Variants in UMAD1 observed in about 807,000 individuals in gnomAD.
The protein encoded by UMAD1 is UBAP1-MVB12-associated (UMA) domain containing 1.
UMAD1 carries 8 observed loss-of-function variants against 6.1 expected under a neutral mutation model. The observed-to-expected ratio is 1.30, with a 90% CI of 0.76 to 2.35. The LOEUF (loss-of-function observed/expected upper bound fraction) is 2.35. Among genes scored for constraint, UMAD1 ranks in the 30% most tolerant of loss-of-function variants. UMAD1 has a pLI of 0.00. For synonymous variants in UMAD1, 56 were observed against 31.4 expected, an observed-to-expected ratio of 1.78 and a Z score of -2.61; for missense variants, 130 against 78.4, an observed-to-expected ratio of 1.66 and a Z score of -2.49.
intron 2 of UMAD1, among the ~76,000 whole-genome samples, chr7:7,675,123 C>T (rs2115111313): frequency 6.6e-6 from 1 of 152,248 alleles, no homozygotes; most frequent in East Asian, 1.9e-4. Context: ...CCTCGGCCCC[C>T]CAAAGTGTTG....
intron 3 of UMAD1, among the ~76,000 whole-genome samples, chr7:7,857,104 A>C (rs1452389457): frequency 1.6e-4 from 24 of 152,220 alleles, no homozygotes; most frequent in Admixed American, 1.6e-3. Flanking sequence ...CAATTAAATA[A>C]ATAGGAAGTA....
intron 2 of UMAD1, among the ~76,000 whole-genome samples, chr7:7,784,338 T>G (rs1201738275): frequency 1.9e-4 from 1 of 5,334 alleles, no homozygotes; most frequent in Non-Finnish European, 2.8e-4. Context: ...AAAATCTCTG[T>G]TTTTTTTTTT....
chr7:7,718,100 T>C (rs1563151745), intron 2 of UMAD1, among the ~76,000 whole-genome samples: 1 of 152,208 alleles, frequency 6.6e-6, no homozygotes. Flanking sequence ...CACATTGTTG[T>C]ATAATAAGTT....
At position 7,706,846 on chromosome 7, in the gene UMAD1, G is replaced by A. The variant is rs139710726; in HGVS notation, c.82+33393G>A. On this transcript the variant is annotated intron_variant, in intron 2 of 3. Transcript: ENST00000682710. ...TTGGTTTTGTTATTTTTTGGATAGAGCATCTTGACTTACTTAGATTTAAAA... is the reference window on the plus strand; with the variant it reads ...TTGGTTTTGTTATTTTTTGGATAGAACATCTTGACTTACTTAGATTTAAAA... Among the ~76,000 whole-genome samples the A allele has an allele frequency of 1.7e-4, 26 of 152,202 alleles. No individual in the cohort carries two copies. In the East Asian group the frequency reaches 4.8e-3, roughly 28 times the overall value.
rs34880729 is a variant in UMAD1 at position 7,695,981 on chromosome 7, G to GTT, written c.82+22543_82+22544dup. ...TTTAAACCCTACTGTGTATATCTCC[G>GTT]TTTTTTTTTTTTTTTTCTGATAAAC... On this transcript the variant is annotated intron_variant, in intron 2 of 3. Coordinates refer to ENST00000682710, the MANE Select transcript of UMAD1 (RefSeq NM_001302348.2). Among the ~76,000 whole-genome samples, 1,296 of 130,694 alleles carry GTT rather than the reference G, an allele frequency of 9.9e-3. 20 individuals carry two copies. Among genetic ancestry groups the GTT allele is most frequent in the African/African-American group, 0.023 (810 of 35,100 alleles). 85.7% of individuals were successfully genotyped at this position (130,694 alleles called of 152,430 possible). A position where few individuals can be genotyped will look rare whatever the true frequency, so the allele number is the denominator to read the frequency against.
intron 2 of UMAD1, among the ~76,000 whole-genome samples, chr7:7,797,938 G>C (rs1972575): frequency 0.56 from 84,988 of 152,044 alleles, 23,843 homozygotes; most frequent in South Asian, 0.65. Context: ...CCACCTGCCT[G>C]AGCCTCCCAA....
At chr7:7,841,368 G>T (rs1427524451) in intron 3 of UMAD1, among the ~76,000 whole-genome samples, 1 of 149,486 alleles carries the variant, frequency 6.7e-6, no homozygotes, top group Non-Finnish European at 1.5e-5. Context: ...AGGCTGGAGT[G>T]CAATGGCACG....
chr7:7,804,889 G>T (rs1348920041), intron 3 of UMAD1, among the ~76,000 whole-genome samples: 1 of 152,238 alleles, frequency 6.6e-6, no homozygotes, highest in South Asian at 2.1e-4. Flanking sequence ...GCTGAGGCAG[G>T]AGAATTGCTT....
intron 1 of UMAD1, among the ~76,000 whole-genome samples, chr7:7,656,891 C>T (rs919984104): frequency 6.6e-6 from 1 of 152,252 alleles, no homozygotes; most frequent in Non-Finnish European, 1.5e-5. Context: ...AATCACCACA[C>T]TGACTTCCAC....
intron 2 of UMAD1, among the ~76,000 whole-genome samples, chr7:7,708,973 G>T (rs1439049695): frequency 6.6e-6 from 1 of 151,808 alleles, no homozygotes; most frequent in African/African-American, 2.4e-5. Flanking sequence ...GAAAGGGAGA[G>T]GAAGGGAGAA....
chr7:7,670,293 C>A (rs1234122736), intron 1 of UMAD1, among the ~76,000 whole-genome samples: 1 of 152,084 alleles, frequency 6.6e-6, no homozygotes, highest in Non-Finnish European at 1.5e-5. Context: ...AATTTGAGTC[C>A]TTCTGTTAAA....
intron 2 of UMAD1, among the ~76,000 whole-genome samples, chr7:7,779,991 C>A (rs1168959454): frequency 1.3e-5 from 2 of 152,216 alleles, no homozygotes; most frequent in African/African-American, 2.4e-5. Context: ...ACAAGAACTG[C>A]TTTGTGTACA....
intron 1 of UMAD1, among the ~76,000 whole-genome samples, chr7:7,664,982 ATG>A (rs1219239823): frequency 1.3e-5 from 2 of 150,320 alleles, no homozygotes; most frequent in Admixed American, 6.7e-5. Flanking sequence ...TTGGAATAAA[ATG>A]TGTGTGGGTG....
chr7:7,755,669 G>A (rs949627675), intron 2 of UMAD1, among the ~76,000 whole-genome samples: 3 of 152,170 alleles, frequency 2.0e-5, no homozygotes, highest in African/African-American at 7.2e-5. Flanking sequence ...AAAAGTCAAG[G>A]AGAGTTTTGC....
chr7:7,666,774 C>A (rs1452104925), intron 1 of UMAD1, among the ~76,000 whole-genome samples: 2 of 151,890 alleles, frequency 1.3e-5, no homozygotes, highest in Non-Finnish European at 2.9e-5. Context: ...GGAATTTTCT[C>A]CCATTTTTGT....
chr7:7,643,767 C>G (rs1235427774), intron 1 of UMAD1, among the ~76,000 whole-genome samples: 1 of 149,742 alleles, frequency 6.7e-6, no homozygotes, highest in Non-Finnish European at 1.5e-5. Flanking sequence ...AAATCGGACA[C>G]TTGACCTACT....
chr7:7,820,520 G>C lies in UMAD1; in HGVS notation c.156+18777G>C, dbSNP rs192443615. 3.1e-4 allele frequency among the ~76,000 whole-genome samples: 47 copies of C among 152,182 alleles called. No homozygotes were observed. The East Asian group carries it at 8.9e-3, about 29-fold the overall frequency. On this transcript the variant is annotated intron_variant, in intron 3 of 3. Coordinates refer to ENST00000682710, the MANE Select transcript of UMAD1 (RefSeq NM_001302348.2). The stretch of plus-strand genomic sequence containing the variant: ...ATGTCTTTTAAATTTTGAATATTCA[G>C]ATTTGAGGATTGAATACTGGCACCT...
At chr7:7,777,212 A>G (rs1218276078) in intron 2 of UMAD1, among the ~76,000 whole-genome samples, 2 of 152,118 alleles carry the variant, frequency 1.3e-5, no homozygotes, top group African/African-American at 4.8e-5. Context: ...CCGCTTGTAA[A>G]AACAATACTA....
chr7:7,766,664 A>C (rs1238967598), intron 2 of UMAD1, among the ~76,000 whole-genome samples: 2 of 152,222 alleles, frequency 1.3e-5, no homozygotes, highest in Non-Finnish European at 2.9e-5. Context: ...TTAATGTTGA[A>C]GATAGCACTT....
Sources: allele counts gnomAD v4.1 joint callset (sites outside exome capture counted in the v4.1 genomes callset), GRCh38; gene constraint gnomAD v4.1.1; transcripts MANE v1.5; gene names NCBI Gene and HGNC (gene_info 2026-07-23, HGNC 2026-07-21).